TNR: variants seen among roughly 807,000 people sequenced by gnomAD.
TNR encodes tenascin R.
TNR carries 45 observed loss-of-function variants against 150.4 expected under a neutral mutation model. That is an observed-to-expected ratio of 0.30 (90% CI 0.24 to 0.38). The LOEUF is 0.38. Ranked by LOEUF, TNR falls within the 10% of genes least tolerant of loss-of-function variation. The pLI is 1.00. For missense variants in TNR, 1,544 were observed against 1,759.1 expected (o/e 0.88, Z 2.19); for synonymous variants, 687 against 678.4 (o/e 1.01, Z -0.20).
At chr1:175,482,565 A>G (rs1317252641) in intron 2 of TNR, among the ~76,000 whole-genome samples, 1 of 152,236 alleles carries the variant, frequency 6.6e-6, no homozygotes, top group Non-Finnish European at 1.5e-5. Context: ...AAGTTTACTC[A>G]GCAAAGAACA....
chr1:175,647,435 C>CAAAAAAAAAAAAAAAAA (rs397745737), intron 1 of TNR, among the ~76,000 whole-genome samples: 14 of 121,652 alleles, frequency 1.2e-4, no homozygotes, highest in African/African-American at 4.3e-4. Flanking sequence ...CTATTCGGTG[C>CAAAAAAAAAAAAAAAAA]AAAAAAAAAA....
intron 1 of TNR, among the ~76,000 whole-genome samples, chr1:175,690,914 G>A (rs1207736469): frequency 6.6e-6 from 1 of 152,156 alleles, no homozygotes; most frequent in Non-Finnish European, 1.5e-5. Flanking sequence ...TTGGATATGA[G>A]GTGTGAAGCA....
At chr1:175,366,239 A>G in intron 10 of TNR, 101 bp from the exon 11 acceptor site, 1 of 1,240,948 alleles carries the variant, frequency 8.1e-7, no homozygotes, top group East Asian at 2.5e-5. Context: ...AGGCCTGCTG[A>G]CTATGAGCAC....
chr1:175,351,324 G>T lies in TNR; in HGVS notation c.3382+3067C>A, dbSNP rs1203333104. ...ACTTTGGGGTAGAGAGGTGGCACAG[G>T]CAACGAGAGCTCATTAATATTACCA... On this transcript the variant is annotated intron_variant, in intron 18 of 22. Transcript: ENST00000367674. 2.0e-5 allele frequency among the ~76,000 whole-genome samples: 3 copies of T among 152,120 alleles called. No homozygotes were observed. The South Asian group carries it at 6.2e-4, about 32-fold the overall frequency.
intron 4 of TNR, 101 bp downstream of exon 4, chr1:175,403,039 C>G: frequency 7.3e-5 from 74 of 1,016,172 alleles, no homozygotes; most frequent in Non-Finnish European, 9.9e-5. Context: ...TTTGCCTAAA[C>G]TTCACTTTCT....
chr1:175,708,609 G>A (rs1666907097), intron 1 of TNR, among the ~76,000 whole-genome samples: 1 of 152,170 alleles, frequency 6.6e-6, no homozygotes, highest in Non-Finnish European at 1.5e-5. Context: ...GAAATAAAAG[G>A]ATGTGCCTCT....
intron 1 of TNR, among the ~76,000 whole-genome samples, chr1:175,710,898 A>G (rs1271473780): frequency 6.6e-6 from 1 of 152,140 alleles, no homozygotes; most frequent in African/African-American, 2.4e-5. Context: ...AGAGCCTTCC[A>G]TACGATGGGC....
chr1:175,622,352 G>A (rs763498745), intron 1 of TNR, among the ~76,000 whole-genome samples: 18 of 152,196 alleles, frequency 1.2e-4, no homozygotes, highest in Non-Finnish European at 2.5e-4. Context: ...ACTCATGCCA[G>A]TTTTGGAGAA....
chr1:175,561,595 T>A (rs1661430284), intron 1 of TNR, among the ~76,000 whole-genome samples: 1 of 152,158 alleles, frequency 6.6e-6, no homozygotes, highest in South Asian at 2.1e-4. Context: ...GCTCAGTGGA[T>A]CCCATAGTCA....
At chr1:175,405,223 G>A (rs1321381095) in intron 3 of TNR, among the ~76,000 whole-genome samples, 2 of 152,234 alleles carry the variant, frequency 1.3e-5, no homozygotes, top group Non-Finnish European at 2.9e-5. Context: ...CCACTCATTG[G>A]CGTCAGCCGA....
intron 2 of TNR, among the ~76,000 whole-genome samples, chr1:175,482,797 T>C (rs1255301646): frequency 6.6e-6 from 1 of 152,228 alleles, no homozygotes; most frequent in East Asian, 1.9e-4. Flanking sequence ...TCTAAGTTTC[T>C]ATAAAATGTG....
chr1:175,578,964 G>T (rs923721281), intron 1 of TNR, among the ~76,000 whole-genome samples: 4 of 152,104 alleles, frequency 2.6e-5, no homozygotes, highest in African/African-American at 7.2e-5. Flanking sequence ...AACTCACCAA[G>T]GCCAGGAACT....
At chr1:175,601,228 A>G (rs538183390) in intron 1 of TNR, among the ~76,000 whole-genome samples, 1 of 152,340 alleles carries the variant, frequency 6.6e-6, no homozygotes, top group East Asian at 1.9e-4. Flanking sequence ...CTTGCTCTGC[A>G]GCGGGTAGAG....
intron 1 of TNR, among the ~76,000 whole-genome samples, chr1:175,640,049 C>A (rs1192268263): frequency 6.6e-6 from 1 of 152,182 alleles, no homozygotes; most frequent in Non-Finnish European, 1.5e-5. Context: ...TAGCATTACC[C>A]CAAGAAATAT....
chr1:175,699,376 A>G (rs762543815), intron 1 of TNR, among the ~76,000 whole-genome samples: 1 of 152,210 alleles, frequency 6.6e-6, no homozygotes, highest in Non-Finnish European at 1.5e-5. Context: ...GTTTGTGACC[A>G]TAAGTTTAAA....
At chr1:175,703,528 C>T (rs182428803) in intron 1 of TNR, among the ~76,000 whole-genome samples, 165 of 152,214 alleles carry the variant, frequency 1.1e-3, no homozygotes, top group African/African-American at 3.9e-3. Context: ...TAGGGTAGGG[C>T]CTAGACTCAG....
chr1:175,455,650 T>C (rs859452), intron 2 of TNR, among the ~76,000 whole-genome samples: 22,115 of 152,132 alleles, frequency 0.15, 4,757 homozygotes, highest in African/African-American at 0.48. Flanking sequence ...TTGAATGACA[T>C]CCTGAAAAGC....
At position 175,363,722 on chromosome 1, in the gene TNR, T is replaced by C. The variant is rs776666084; in HGVS notation, c.2693A>G (p.Tyr898Cys). 1.1e-5 allele frequency: 17 copies of C among 1,613,678 alleles called. No individual in the cohort carries two copies. Among genetic ancestry groups the C allele is most frequent in the Non-Finnish European group, 1.4e-5 (16 of 1,179,786 alleles). ...VASFDYYRVS[Y>C]RPTQVGRLDS... is the part of the protein sequence containing the mutation. Reference sequence around the variant, plus strand: ...CACTTTGTTACCTTGGGTGGGTCGATATGATACTCGGTAGTAATCGAAAGA... The same window carrying C: ...CACTTTGTTACCTTGGGTGGGTCGACATGATACTCGGTAGTAATCGAAAGA... The change falls in exon 13 of 23, where the codon TAT becomes TGT. Residue 898 changes from tyrosine (Y) to cysteine (C), a missense_variant. Physicochemically the swap from Tyr to Cys is radical, Grantham distance 194. Coordinates refer to ENST00000367674, the MANE Select transcript of TNR (RefSeq NM_003285.3).
chr1:175,331,162 TTTCC>T (rs199944963), intron 20 of TNR, among the ~76,000 whole-genome samples: 2,642 of 70,670 alleles, frequency 0.037, 174 homozygotes, highest in Middle Eastern at 0.062. Context: ...TTTCTTTTTC[TTTCC>T]TTCCTTCCTT....
Sources: gnomAD v4.1 joint callset for allele counts (sites outside exome capture counted in the v4.1 genomes callset) on GRCh38, gnomAD v4.1.1 for gene constraint, MANE v1.5 for transcripts, NCBI Gene and HGNC (gene_info 2026-07-23, HGNC 2026-07-21) for gene names.